The following PRDM16 variants were observed in gnomAD, a reference collection of about 807,000 sequenced individuals.
PRDM16 encodes the protein histone-lysine N-methyltransferase PRDM16.
Under a neutral mutation model 110.6 loss-of-function variants are expected in PRDM16, and 23 were observed. The observed-to-expected ratio is 0.21, with a 90% CI of 0.15 to 0.29. The LOEUF is 0.29. PRDM16 is among the 10% of genes least tolerant of loss of function. The pLI is 1.00. For missense variants in PRDM16, 1,615 were observed against 1,794.3 expected, an observed-to-expected ratio of 0.90 and a Z score of 1.81; for synonymous variants, 799 against 781.8, an observed-to-expected ratio of 1.02 and a Z score of -0.37.
At chr1:3,107,302 G>A (rs747128077) in intron 1 of PRDM16, among the ~76,000 whole-genome samples, 5 of 152,220 alleles carry the variant, frequency 3.3e-5, no homozygotes, top group African/African-American at 7.2e-5. Flanking sequence ...CTAGGCTTTC[G>A]GGCTTGGGCA....
In PRDM16 at chr1:3,209,951, A is replaced by C. The variant is rs1638843077; in HGVS notation, c.387+23477A>C. ...ACAGAACTCTTACTTAACATGGAAAATATCGTAGCATTTTCTAGAGACATT... is the reference window on the plus strand; with the variant it reads ...ACAGAACTCTTACTTAACATGGAAACTATCGTAGCATTTTCTAGAGACATT... On this transcript the variant is annotated intron_variant, in intron 2 of 16. Transcript: ENST00000270722. This position sits in a 1 kb window ranked among gnomAD's most constrained non-coding sequence, Gnocchi z 4.6. Among the ~76,000 whole-genome samples the C allele has an allele frequency of 6.6e-6, 1 of 152,222 alleles. No homozygotes were observed. Among genetic ancestry groups the C allele is most frequent in the African/African-American group, 2.4e-5 (1 of 41,462 alleles).
rs184130501 is a variant in PRDM16 at position 3,403,298 on chromosome 1, G to T, written c.884+300G>T. Among the ~76,000 whole-genome samples the T allele has an allele frequency of 2.6e-4, 39 of 152,322 alleles. No individual in the cohort carries two copies. In the East Asian group the frequency reaches 7.2e-3, roughly 28 times the overall value. On this transcript the variant is annotated intron_variant, in intron 6 of 16. Coordinates refer to ENST00000270722, the MANE Select transcript of PRDM16 (RefSeq NM_022114.4). The stretch of plus-strand genomic sequence containing the variant: ...ACCTCCTAGGCTCATGGCCCTGCCT[G>T]CCAGGGCTGCGCTGCGGGGAGAAAC...
intron 1 of PRDM16, among the ~76,000 whole-genome samples, chr1:3,096,291 G>T (rs1171944548): frequency 6.6e-6 from 1 of 152,010 alleles, no homozygotes; most frequent in African/African-American, 2.4e-5. Flanking sequence ...CAGCCTCCTC[G>T]CTGTCCTGTC....
chr1:3,304,802 A>G (rs1032389323), intron 3 of PRDM16, among the ~76,000 whole-genome samples: 1 of 152,132 alleles, frequency 6.6e-6, no homozygotes, highest in African/African-American at 2.4e-5. Context: ...TGGTCTCAGG[A>G]CACCGTGCCG....
chr1:3,426,438 T>G (rs1284661462), intron 14 of PRDM16, among the ~76,000 whole-genome samples: 1 of 151,812 alleles, frequency 6.6e-6, no homozygotes, highest in Non-Finnish European at 1.5e-5. Context: ...TGGAGAGTCA[T>G]GAGAGTAAGC....
At chr1:3,264,190 C>A (rs115463442) in intron 3 of PRDM16, among the ~76,000 whole-genome samples, 1 of 152,164 alleles carries the variant, frequency 6.6e-6, no homozygotes, top group African/African-American at 2.4e-5. Context: ...CTATGGAGTC[C>A]GAAAATGGGG....
In PRDM16 at chr1:3,412,127, G is replaced by C. The variant is rs61756438; in HGVS notation, c.1930G>C (p.Glu644Gln). The C allele has an allele frequency of 6.4e-7, 1 of 1,566,756 alleles. No homozygotes were observed. Among genetic ancestry groups the C allele is most frequent in the Non-Finnish European group, 8.6e-7 (1 of 1,156,582 alleles). ...GGACAAGGGCAAGGGCAAGTCCGCC[G>C]AGGGCCAGCCCAAGTTTGGGGGCGG... is the stretch of plus-strand genomic sequence containing the variant. ...DKDKGKGKSAEGQPKFGGGLA... is the reference protein window; with the variant it reads ...DKDKGKGKSAQGQPKFGGGLA... The change falls in exon 9 of 17, where the codon GAG (glutamate) becomes CAG (glutamine). Residue 644 changes from glutamate to glutamine, a missense_variant. Physicochemically the swap from Glu to Gln is conservative, Grantham distance 29 (BLOSUM62 2). Coordinates refer to ENST00000270722, the MANE Select transcript of PRDM16 (RefSeq NM_022114.4).
At chr1:3,306,523 T>C (rs759199288) in intron 3 of PRDM16, 6 of 152,218 alleles carry the variant, frequency 3.9e-5, no homozygotes, top group Admixed American at 6.5e-5. Flanking sequence ...TTTTGTCTTA[T>C]AGATGGAAGT....
intron 8 of PRDM16, among the ~76,000 whole-genome samples, chr1:3,407,870 C>T (rs1243458609): frequency 1.3e-5 from 2 of 152,226 alleles, no homozygotes; most frequent in Non-Finnish European, 2.9e-5. Context: ...TGTCCACACA[C>T]TCGGCTCACC....
Position 3,425,506 on chromosome 1 carries a change from T to TC in PRDM16, c.2940-69dup, listed in dbSNP as rs566249795. 2.2e-4 allele frequency: 332 copies of TC among 1,501,684 alleles called. 5 individuals are homozygous for TC. The African/African-American group carries it at 4.2e-3, about 19-fold the overall frequency. The allele number at this position is 1,501,684 out of a possible 1,614,324, so 93.0% of individuals were successfully genotyped here. ...CACGGGGCAGGGGCGCGGGCTCCCT[T>TC]CCCCCCACCCTCTGTGGCCCGGCCT... On this transcript the variant is annotated intron_variant, in intron 12 of 16. Transcript: ENST00000270722. The surrounding 1 kb of genome is among the most constrained non-coding windows in gnomAD (Gnocchi z 6.9).
chr1:3,220,222 G>A (rs879590159), intron 2 of PRDM16, among the ~76,000 whole-genome samples: 1 of 152,108 alleles, frequency 6.6e-6, no homozygotes, highest in Admixed American at 6.5e-5. Context: ...ACATCTCTGT[G>A]GCCCCACAGC....
chr1:3,404,650 G>A, intron 6 of PRDM16, 89 bp from the exon 7 acceptor site: 1 of 1,520,476 alleles, frequency 6.6e-7, no homozygotes, highest in Non-Finnish European at 8.9e-7. Context: ...GCTCCGAAGG[G>A]GCACTGGGAA....
chr1:3,109,203 C>T (rs1173078896), intron 1 of PRDM16, among the ~76,000 whole-genome samples: 1 of 152,200 alleles, frequency 6.6e-6, no homozygotes, highest in African/African-American at 2.4e-5. Flanking sequence ...CTTTCTGTGT[C>T]ACAGGTTTTT....
At chr1:3,367,266 C>G (rs1642832408) in intron 3 of PRDM16, among the ~76,000 whole-genome samples, 1 of 151,260 alleles carries the variant, frequency 6.6e-6, no homozygotes, top group Admixed American at 6.6e-5. Flanking sequence ...AAGAGCAAAG[C>G]TCTGTCTCAA....
intron 3 of PRDM16, among the ~76,000 whole-genome samples, chr1:3,320,350 GCA>G (rs1641712157): frequency 6.6e-6 from 1 of 152,306 alleles, no homozygotes; most frequent in South Asian, 2.1e-4. Context: ...ATGCACACGT[GCA>G]CACACTGGTG....
At chr1:3,139,719 C>T (rs562269107) in intron 1 of PRDM16, among the ~76,000 whole-genome samples, 6 of 152,354 alleles carry the variant, frequency 3.9e-5, no homozygotes, top group South Asian at 4.1e-4. Flanking sequence ...GCCAGGAGGG[C>T]GTCACCTCGG....
intron 1 of PRDM16, among the ~76,000 whole-genome samples, chr1:3,083,523 G>A (rs189829684): frequency 1.3e-5 from 2 of 152,270 alleles, no homozygotes; most frequent in Admixed American, 6.5e-5. Context: ...TCTGTGAAGA[G>A]GCGAACCAAG....
chr1:3,236,996 G>A (rs1367498749), intron 2 of PRDM16, among the ~76,000 whole-genome samples: 1 of 152,166 alleles, frequency 6.6e-6, no homozygotes, highest in African/African-American at 2.4e-5. Context: ...GGAAGCTGGG[G>A]GGCACAGGCC....
intron 3 of PRDM16, among the ~76,000 whole-genome samples, chr1:3,379,004 C>A (rs907393953): frequency 6.6e-6 from 1 of 151,810 alleles, no homozygotes. Context: ...CAGGGGAGAC[C>A]CCACACCTGA....
Sources: allele counts gnomAD v4.1 joint callset (sites outside exome capture counted in the v4.1 genomes callset), GRCh38; gene constraint gnomAD v4.1.1; non-coding constraint Gnocchi (gnomAD v3.1); transcripts MANE v1.5; gene names NCBI Gene and HGNC (gene_info 2026-07-23, HGNC 2026-07-21).